Variants in FHIP2A observed in about 807,000 individuals in gnomAD.
FHIP2A encodes family with sequence similarity 160 member B1.
A neutral mutation model predicts 93.5 loss-of-function variants in FHIP2A; 46 were observed. The ratio of observed to expected loss-of-function variants is 0.49; its 90% CI spans 0.39 to 0.63. FHIP2A has a LOEUF of 0.63. Ranked by LOEUF, FHIP2A falls within the 20% of genes least tolerant of loss-of-function variation. The probability of loss-of-function intolerance (pLI) is 0.00; values close to 1 mark genes in which losing one functional copy is unlikely to be tolerated. For missense variants in FHIP2A, 769 were observed against 909.7 expected (o/e 0.85, Z 1.99); for synonymous variants, 332 against 326.5 (o/e 1.02, Z -0.18).
rs560126428 is a variant in FHIP2A, at chr10:114,875,535, A to G, written c.2192+14201A>G. Among the ~76,000 whole-genome samples, 152 of 152,178 alleles carry G rather than the reference A, an allele frequency of 1.0e-3. 1 individual carries two copies. The highest frequency in any genetic ancestry group is 2.8e-3 in the African/African-American group (116 of 41,504). Reference sequence around the variant, plus strand: ...CATGGTGAAACCCTGTCTCTAAAAAAAAATACAAAAGATAGCTGGGCATGA... The same window carrying G: ...CATGGTGAAACCCTGTCTCTAAAAAGAAATACAAAAGATAGCTGGGCATGA... On this transcript the variant is annotated intron_variant, in intron 16 of 16. Coordinates refer to the FHIP2A transcript ENST00000369250.
At chr10:114,886,499 T>A (rs2083943515) in intron 16 of FHIP2A, among the ~76,000 whole-genome samples, 1 of 152,108 alleles carries the variant, frequency 6.6e-6, no homozygotes, top group Non-Finnish European at 1.5e-5. Context: ...TATTTAATTG[T>A]CAGATAATTC....
At chr10:114,827,360 A>C (rs1403918056) in intron 1 of FHIP2A, among the ~76,000 whole-genome samples, 1 of 152,250 alleles carries the variant, frequency 6.6e-6, no homozygotes, top group Non-Finnish European at 1.5e-5. Flanking sequence ...GTCATGCCTG[A>C]GTTGGAAACC....
chr10:114,833,237 T>C lies in FHIP2A; in HGVS notation c.129T>C (p.Asp43=). The change falls in exon 3 of 17, where the codon GAT becomes GAC. Residue 43 remains aspartate, a synonymous_variant. Coordinates refer to ENST00000369248, the MANE Select transcript of FHIP2A (RefSeq NM_020940.4). The stretch of plus-strand genomic sequence containing the variant: ...TGAATGTTTTTTATTGTTTAGATGA[T>C]AAAGCCCCAGTGACCGATACAAATA... The part of the protein sequence containing the change: ...ITHYYIETSD[D]KAPVTDTNIP... The C allele has an allele frequency of 3.7e-6, 6 of 1,603,860 alleles. No individual in the cohort carries two copies. Among genetic ancestry groups the C allele is most frequent in the Non-Finnish European group, 5.1e-6 (6 of 1,175,754 alleles).
intron 13 of FHIP2A, 61 bp downstream of exon 13, chr10:114,848,798 G>T: frequency 9.6e-7 from 1 of 1,036,792 alleles, no homozygotes; most frequent in Non-Finnish European, 1.5e-6. Context: ...CACACCCCTT[G>T]TCACACTGCC....
downstream of FHIP2A, chr10:114,864,856 G>A: frequency 9.4e-6 from 2 of 212,220 alleles, no homozygotes; most frequent in Non-Finnish European, 1.6e-5. Flanking sequence ...GTATTCTAGG[G>A]AGAGAACAAA....
Position 114,862,780 on chromosome 10 carries a change from T to C in FHIP2A, c.*1240T>C. 3.0e-6 allele frequency: 3 copies of C among 985,510 alleles called. No individual in the cohort carries two copies. In the South Asian group the frequency reaches 1.4e-4, roughly 46 times the overall value. 61.0% of individuals were successfully genotyped at this position (985,510 alleles called of 1,614,324 possible). ...ATGCTTTTAAGCTATTGTTTGTTTT[T>C]ATTTGACATGTTAAGCCGCAGCACT... On this transcript the variant is annotated 3_prime_UTR_variant, in exon 17 of 17. Coordinates refer to ENST00000369248, the MANE Select transcript of FHIP2A (RefSeq NM_020940.4).
At chr10:114,895,290 G>A (rs1179060264) in intron 16 of FHIP2A, among the ~76,000 whole-genome samples, 1 of 152,200 alleles carries the variant, frequency 6.6e-6, no homozygotes, top group African/African-American at 2.4e-5. Flanking sequence ...ATATTTGGCA[G>A]AAATAATTGA....
At chr10:114,835,792 A>C (rs186983280) in intron 4 of FHIP2A, 151 bp downstream of exon 4, 1 of 556,826 alleles carries the variant, frequency 1.8e-6, no homozygotes, top group South Asian at 3.0e-5. Flanking sequence ...TATGCATCAC[A>C]TAGCATTAAG....
intron 7 of FHIP2A, 79 bp downstream of exon 7, chr10:114,844,016 T>G: frequency 8.2e-7 from 1 of 1,219,748 alleles, no homozygotes; most frequent in Non-Finnish European, 1.1e-6. Flanking sequence ...TATTTTGCAA[T>G]GGTAGAAGTC....
intron 5 of FHIP2A, 129 bp downstream of exon 5, chr10:114,836,375 T>A: frequency 1.4e-6 from 1 of 734,328 alleles, no homozygotes; most frequent in Non-Finnish European, 2.2e-6. Flanking sequence ...TTCCCAGAAT[T>A]ATTTTTCCTT....
intron 3 of FHIP2A, among the ~76,000 whole-genome samples, chr10:114,835,280 T>C (rs561595980): frequency 6.6e-6 from 1 of 152,298 alleles, no homozygotes; most frequent in South Asian, 2.1e-4. Context: ...ATTATTACCG[T>C]GCTGTTTGTA....
rs2083813814 is a variant in FHIP2A at position 114,863,697 on chromosome 10, G to T, written c.*2157G>T. The stretch of plus-strand genomic sequence containing the variant: ...CTCTCACAGTGAGTTCAATTTGTTA[G>T]TGAAACATTGTACTGCATCACCAGT... On this transcript the variant is annotated 3_prime_UTR_variant, in exon 17 of 17. Coordinates refer to ENST00000369248, the MANE Select transcript of FHIP2A (RefSeq NM_020940.4). The T allele has an allele frequency of 7.7e-7, 1 of 1,302,314 alleles. No individual in the cohort carries two copies. Among genetic ancestry groups the T allele is most frequent in the Non-Finnish European group, 1.0e-6 (1 of 988,396 alleles). 80.7% of individuals were successfully genotyped at this position (1,302,314 alleles called of 1,614,324 possible).
intron 16 of FHIP2A, among the ~76,000 whole-genome samples, chr10:114,898,543 C>T (rs1197737291): frequency 1.3e-5 from 2 of 152,162 alleles, no homozygotes; most frequent in Non-Finnish European, 2.9e-5. Flanking sequence ...TGAGACTTGA[C>T]CTACCTTCCA....
intron 5 of FHIP2A, among the ~76,000 whole-genome samples, chr10:114,837,194 A>G (rs764804121): frequency 3.3e-5 from 5 of 152,242 alleles, no homozygotes; most frequent in Non-Finnish European, 5.9e-5. Context: ...GTGAGCCACC[A>G]CACCTGGCCT....
chr10:114,833,839 T>C (rs939312587), intron 3 of FHIP2A, among the ~76,000 whole-genome samples: 1 of 152,236 alleles, frequency 6.6e-6, no homozygotes, highest in African/African-American at 2.4e-5. Flanking sequence ...GAAAAATCTT[T>C]ACAAAGCTGA....
chr10:114,861,394 G>A lies in FHIP2A; in HGVS notation c.2193-41G>A, dbSNP rs189881633. On this transcript the variant is annotated intron_variant, in intron 16 of 16. Coordinates refer to ENST00000369248, the MANE Select transcript of FHIP2A (RefSeq NM_020940.4). ...ATTTCAGTGAACTTAATGATCGGCT[G>A]CTATCTTGAATTGATTTATTGTCTG... 11,661 of 1,613,830 alleles carry A rather than the reference G, an allele frequency of 7.2e-3. 59 individuals are homozygous for A. Among genetic ancestry groups the A allele is most frequent in the Non-Finnish European group, 8.9e-3 (10,552 of 1,179,882 alleles).
chr10:114,836,294 C>T, intron 5 of FHIP2A, 48 bp downstream of exon 5: 1 of 1,396,844 alleles, frequency 7.2e-7, no homozygotes, highest in South Asian at 1.5e-5. Flanking sequence ...ATATTAAGAT[C>T]ATTATGAAAA....
Position 114,862,578 on chromosome 10 carries a change from C to T in FHIP2A, c.*1038C>T, listed in dbSNP as rs2083806890. ...TAAAGAAAACAGAGTTTTAAATGTC[C>T]TATTTACATGTTAAAGGATTTGGGG... On this transcript the variant is annotated 3_prime_UTR_variant, in exon 17 of 17. Transcript: ENST00000369248. 1 of 986,724 alleles carries T rather than the reference C, an allele frequency of 1.0e-6. No homozygotes were observed. The highest frequency in any genetic ancestry group is 1.2e-6 in the Non-Finnish European group (1 of 829,712). The allele number at this position is 986,724 out of a possible 1,614,324, so 61.1% of individuals were successfully genotyped here. A position where few individuals can be genotyped will look rare whatever the true frequency, so the allele number is the denominator to read the frequency against.
In FHIP2A at chr10:114,843,754, CTGTGAAGGCA is replaced by C. The variant is rs750778877; in HGVS notation, c.840_849del (p.Cys281Ter). 3.9e-6 allele frequency: 6 copies of C among 1,547,722 alleles called. No homozygotes were observed. The highest frequency in any genetic ancestry group is 1.3e-5 in the South Asian group (1 of 79,774). On this transcript the variant is annotated frameshift_variant, in exon 7 of 17. Coordinates refer to ENST00000369248, the MANE Select transcript of FHIP2A (RefSeq NM_020940.4). LOFTEE classifies it high-confidence loss of function. ...TTTTTCCTTTAGGATGGCAGAATAG[CTGTGAAGGCA>C]TGTGAAGGCTTGATGCTGTTAGTAA...
Sources: allele counts gnomAD v4.1 joint callset (sites outside exome capture counted in the v4.1 genomes callset), GRCh38; gene constraint gnomAD v4.1.1; transcripts MANE v1.5; gene names NCBI Gene and HGNC (gene_info 2026-07-23, HGNC 2026-07-21).